SYNPR: variants seen among roughly 807,000 people sequenced by gnomAD.
The protein encoded by SYNPR is synaptoporin.
SYNPR carries 23 observed loss-of-function variants against 32.9 expected under a neutral mutation model. The observed-to-expected ratio is 0.70, with a 90% CI of 0.50 to 0.99. The LOEUF (loss-of-function observed/expected upper bound fraction) is 0.99, where lower values mean the gene tolerates loss of function less well. Ranked by LOEUF, SYNPR falls within the 50% of genes least tolerant of loss-of-function variation. The pLI, the probability that SYNPR is intolerant of heterozygous loss-of-function variation, is 0.00. For synonymous variants in SYNPR, 146 were observed against 135.9 expected (o/e 1.07, Z -0.52); for missense variants, 318 against 349.3 (o/e 0.91, Z 0.71).
intron 2 of SYNPR, among the ~76,000 whole-genome samples, chr3:63,259,977 CAA>C (rs1413213811): frequency 6.6e-6 from 1 of 152,082 alleles, no homozygotes; most frequent in African/African-American, 2.4e-5. Flanking sequence ...ACAATTTCTT[CAA>C]AGAGAATAAA....
At chr3:63,409,313 T>C (rs1291378147) in intron 2 of SYNPR, among the ~76,000 whole-genome samples, 1 of 152,148 alleles carries the variant, frequency 6.6e-6, no homozygotes, top group Admixed American at 6.6e-5. Context: ...ATTTCTGCTG[T>C]AACTACATCA....
intron 2 of SYNPR, among the ~76,000 whole-genome samples, chr3:63,396,826 C>T (rs945249619): frequency 3.3e-5 from 5 of 152,132 alleles, no homozygotes; most frequent in African/African-American, 1.2e-4. Context: ...TAACATTGGC[C>T]GAGCGCGGTG....
intron 2 of SYNPR, among the ~76,000 whole-genome samples, chr3:63,313,990 C>T (rs1436297044): frequency 2.3e-3 from 6 of 2,572 alleles, no homozygotes; most frequent in Non-Finnish European, 5.4e-3. Flanking sequence ...TATATATATC[C>T]ATATATATAT....
At chr3:63,595,783 ATAGTTATATATATATAGT>A (rs1699938149) in intron 4 of SYNPR, among the ~76,000 whole-genome samples, 2 of 54,518 alleles carry the variant, frequency 3.7e-5, no homozygotes, top group Non-Finnish European at 5.9e-5. Flanking sequence ...TTATATATAT[ATAGTTATATATATATAGT>A]TATATATATA....
chr3:63,387,886 A>G (rs567729448), intron 2 of SYNPR, among the ~76,000 whole-genome samples: 1 of 152,072 alleles, frequency 6.6e-6, no homozygotes, highest in South Asian at 2.1e-4. Context: ...TAGGAAGCCA[A>G]CCCTCAGTTA....
chr3:63,595,364 G>A (rs1000156506), intron 4 of SYNPR, among the ~76,000 whole-genome samples: 4 of 151,992 alleles, frequency 2.6e-5, no homozygotes, highest in Non-Finnish European at 4.4e-5. Context: ...CCCTGAGCAG[G>A]CCTGGCTTTC....
intron 2 of SYNPR, among the ~76,000 whole-genome samples, chr3:63,259,830 G>A (rs140651151): frequency 0.07 from 10,628 of 152,180 alleles, 437 homozygotes; most frequent in Middle Eastern, 0.099. Flanking sequence ...AAACCCCATC[G>A]TCTCAGCCCA....
rs543033807 is a variant in SYNPR, at chr3:63,360,799, T to A, written c.84+82057T>A. 4.6e-5 allele frequency among the ~76,000 whole-genome samples: 7 copies of A among 152,318 alleles called. No individual in the cohort carries two copies. The South Asian group carries it at 1.2e-3, about 27-fold the overall frequency. ...AAGGAGCATTACTGACTGCACTACC[T>A]AAGATATTCCCCCTATATATCTTTT... is the stretch of plus-strand genomic sequence containing the variant. On this transcript the variant is annotated intron_variant, in intron 2 of 5. Transcript: ENST00000478300.
chr3:63,466,228 C>CCT (rs60415902), intron 2 of SYNPR, among the ~76,000 whole-genome samples: 6,340 of 148,128 alleles, frequency 0.043, 398 homozygotes, highest in African/African-American at 0.15. Flanking sequence ...TCTAGACGTT[C>CCT]CTCTCTCTCT....
At chr3:63,539,742 G>A (rs1433411307) in intron 3 of SYNPR, among the ~76,000 whole-genome samples, 1 of 152,082 alleles carries the variant, frequency 6.6e-6, no homozygotes, top group Admixed American at 6.6e-5. Context: ...GACAGAGAAG[G>A]GAGCAAGCCA....
At chr3:63,301,831 T>C (rs59271139) in intron 2 of SYNPR, among the ~76,000 whole-genome samples, 18,906 of 152,076 alleles carry the variant, frequency 0.12, 1,286 homozygotes, top group Non-Finnish European at 0.16. Flanking sequence ...AGTTCTCATC[T>C]TGTCTTCTCC....
chr3:63,293,041 C>G (rs1189128608), intron 2 of SYNPR, among the ~76,000 whole-genome samples: 1 of 152,108 alleles, frequency 6.6e-6, no homozygotes, highest in Non-Finnish European at 1.5e-5. Context: ...ACATAATTGT[C>G]TGTTTCAGAG....
intron 2 of SYNPR, among the ~76,000 whole-genome samples, chr3:63,385,783 T>C (rs2088032518): frequency 6.6e-6 from 1 of 152,214 alleles, no homozygotes; most frequent in Admixed American, 6.5e-5. Context: ...AGGAAACACG[T>C]ACAGTATGCT....
intron 4 of SYNPR, among the ~76,000 whole-genome samples, chr3:63,564,189 GTCTT>G (rs898991783): frequency 7.2e-6 from 1 of 138,740 alleles, no homozygotes. Context: ...GTGTGTGTGT[GTCTT>G]TCTTTTTTTT....
Position 63,477,886 on chromosome 3 carries a change from A to G in SYNPR, c.85-2946A>G, listed in dbSNP as rs530618764. Among the ~76,000 whole-genome samples the G allele has an allele frequency of 2.0e-5, 3 of 152,360 alleles. No individual in the cohort carries two copies. In the East Asian group the frequency reaches 5.8e-4, roughly 29 times the overall value. Reference sequence around the variant, plus strand: ...AGACAATAGCGGCTTTGAGCCAAGTATGAGCTTACACAAATAGGGTATATA... The same window carrying G: ...AGACAATAGCGGCTTTGAGCCAAGTGTGAGCTTACACAAATAGGGTATATA... On this transcript the variant is annotated intron_variant, in intron 2 of 5. Transcript: ENST00000478300.
In SYNPR at chr3:63,595,742, TA is replaced by T. The variant is rs1559546160; in HGVS notation, c.409-13382del. On this transcript the variant is annotated intron_variant, in intron 4 of 5. Coordinates refer to ENST00000478300, the MANE Select transcript of SYNPR (RefSeq NM_001130003.2). The stretch of plus-strand genomic sequence containing the variant: ...TTATATATATATATATATATATATA[TA>T]TATATATATATATATATATATATAT... Among the ~76,000 whole-genome samples the T allele has an allele frequency of 1.5e-4, 7 of 47,002 alleles. 1 individual carries two copies. Among genetic ancestry groups the T allele is most frequent in the African/African-American group, 9.9e-4 (5 of 5,032 alleles). 30.8% of individuals were successfully genotyped at this position (47,002 alleles called of 152,430 possible).
intron 4 of SYNPR, among the ~76,000 whole-genome samples, chr3:63,594,574 C>G (rs1699899121): frequency 6.6e-6 from 1 of 152,062 alleles, no homozygotes; most frequent in Non-Finnish European, 1.5e-5. Flanking sequence ...TGGCTGTGCA[C>G]CTTTCAAACT....
chr3:63,365,454 A>G (rs182744477), intron 2 of SYNPR, among the ~76,000 whole-genome samples: 79 of 152,310 alleles, frequency 5.2e-4, no homozygotes, highest in African/African-American at 1.8e-3. Context: ...TCTGTTTTAC[A>G]TTGTAGGTGT....
chr3:63,603,996 C>T (rs928131794), intron 4 of SYNPR, among the ~76,000 whole-genome samples: 3 of 152,026 alleles, frequency 2.0e-5, no homozygotes, highest in African/African-American at 7.2e-5. Flanking sequence ...TACTGATTGG[C>T]AGGCCTTTTA....
Sources: allele counts gnomAD v4.1 joint callset (sites outside exome capture counted in the v4.1 genomes callset), GRCh38; gene constraint gnomAD v4.1.1; transcripts MANE v1.5; gene names NCBI Gene and HGNC (gene_info 2026-07-23, HGNC 2026-07-21).